The following FBF1 variants were observed in gnomAD, a reference collection of about 807,000 sequenced individuals.
FBF1 encodes the protein fas-binding factor 1.
In FBF1, 119 loss-of-function variants were observed where a neutral mutation model predicts 147.2. The observed-to-expected ratio is 0.81, with a 90% CI of 0.70 to 0.94. The LOEUF (loss-of-function observed/expected upper bound fraction) is 0.94. Among genes scored for constraint, FBF1 ranks in the 40% least tolerant of loss-of-function variants. The probability of loss-of-function intolerance (pLI) is 0.00; values close to 1 mark genes in which losing one functional copy is unlikely to be tolerated. For missense variants in FBF1, 1,449 were observed against 1,500.8 expected, an observed-to-expected ratio of 0.97 and a Z score of 0.57; for synonymous variants, 601 against 609.0, an observed-to-expected ratio of 0.99 and a Z score of 0.19.
At position 75,919,712 on chromosome 17, in the gene FBF1, C is replaced by A; in HGVS notation, c.2094G>T (p.Ala698=). Residue 698 remains alanine, a synonymous_variant, in exon 20 of 30, where the codon GCG becomes GCT. Transcript: ENST00000636174. This position sits in a 1 kb window ranked among gnomAD's most constrained non-coding sequence, Gnocchi z 5.0. ...AQHQRRLAAI[A]QEKDQEMERL... is the part of the protein sequence containing the mutation. The stretch of plus-strand genomic sequence containing the variant: ...GCTCCATTTCCTGGTCCTTCTCCTG[C>A]GCTATGGCCGCCAAGCGCCGCTGGT... 6.2e-7 allele frequency: 1 copy of A among 1,612,444 alleles called. No homozygotes were observed. The highest frequency in any genetic ancestry group is 8.5e-7 in the Non-Finnish European group (1 of 1,179,654).
chr17:75,923,159 A>G lies in FBF1; in HGVS notation c.1424+27T>C, dbSNP rs928784079. On this transcript the variant is annotated intron_variant, in intron 14 of 29. Coordinates refer to ENST00000636174, the MANE Select transcript of FBF1 (RefSeq NM_001319193.2). The surrounding 1 kb of genome is among the most constrained non-coding windows in gnomAD (Gnocchi z 4.1). The stretch of plus-strand genomic sequence containing the variant: ...CAAGTCCCCAGCCAGTCCTCCCCCT[A>G]CTAGCCACAGCAGCCTAAGTCAGTA... 2.0e-6 allele frequency: 3 copies of G among 1,531,268 alleles called. No individual in the cohort carries two copies. 94.9% of individuals were successfully genotyped at this position (1,531,268 alleles called of 1,614,324 possible).
Position 75,925,093 on chromosome 17 carries a change from G to T in FBF1, c.968+254C>A, listed in dbSNP as rs2065551586. Among the ~76,000 whole-genome samples the T allele has an allele frequency of 2.0e-5, 3 of 152,210 alleles. No individual in the cohort carries two copies. Among genetic ancestry groups the T allele is most frequent in the African/African-American group, 4.8e-5 (2 of 41,452 alleles). On this transcript the variant is annotated intron_variant, in intron 13 of 29. Transcript: ENST00000636174. This position sits in a 1 kb window ranked among gnomAD's most constrained non-coding sequence, Gnocchi z 5.0. Reference sequence around the variant, plus strand: ...GGCCCACCTGCCCCTTTCCTTCTGAGGCTGGGTGGGGCACTGGCGAACCTG... The same window carrying T: ...GGCCCACCTGCCCCTTTCCTTCTGATGCTGGGTGGGGCACTGGCGAACCTG...
intron 16 of FBF1, 70 bp from the exon 17 acceptor site, chr17:75,921,372 C>T: frequency 6.4e-7 from 1 of 1,550,826 alleles, no homozygotes; most frequent in Non-Finnish European, 8.8e-7. Context: ...CCAGGAGGGG[C>T]TGGTGTAACT....
chr17:75,929,945 A>ACACCC, intron 7 of FBF1, 52 bp downstream of exon 7: 11 of 650,902 alleles, frequency 1.7e-5, no homozygotes, highest in South Asian at 6.5e-5. Flanking sequence ...AAATATCATG[A>ACACCC]CCCCACCCCA....
At chr17:75,933,134 C>A (rs2065604535) in intron 4 of FBF1, 46 bp from the exon 5 acceptor site, 1 of 1,465,972 alleles carries the variant, frequency 6.8e-7, no homozygotes, top group South Asian at 1.2e-5. Context: ...CTAAAGGTAC[C>A]TGGAGTCAAG....
At chr17:75,912,403 G>A (rs768154085) in intron 28 of FBF1, 96 bp from the exon 29 acceptor site, 1 of 880,798 alleles carries the variant, frequency 1.1e-6, no homozygotes, top group Non-Finnish European at 1.7e-6. Flanking sequence ...CCCGCCAGTG[G>A]GTGGACCCTG....
intron 23 of FBF1, among the ~76,000 whole-genome samples, chr17:75,916,931 G>A (rs1243553808): frequency 6.6e-6 from 1 of 152,214 alleles, no homozygotes; most frequent in Non-Finnish European, 1.5e-5. Context: ...ACTCACTGCA[G>A]CCTCTGTGTC....
At chr17:75,938,039 G>C in intron 2 of FBF1, 108 bp downstream of exon 2, 1 of 1,521,958 alleles carries the variant, frequency 6.6e-7, no homozygotes, top group Non-Finnish European at 9.0e-7. Flanking sequence ...TCTCCATCCT[G>C]GTCCTTGCCG....
At position 75,910,579 on chromosome 17, in the gene FBF1, C is replaced by T. The variant is rs752375906; in HGVS notation, c.*144G>A. On this transcript the variant is annotated 3_prime_UTR_variant, in exon 30 of 30. Transcript: ENST00000636174. The surrounding 1 kb of genome is among the most constrained non-coding windows in gnomAD (Gnocchi z 4.1). ...GGCTGGCACATTTGGAAAGGATGCACTTGCACCCTGTCCACGGAAGAGCTG... is the reference window on the plus strand; with the variant it reads ...GGCTGGCACATTTGGAAAGGATGCATTTGCACCCTGTCCACGGAAGAGCTG... 9 of 711,164 alleles carry T rather than the reference C, an allele frequency of 1.3e-5. No individual in the cohort carries two copies. The highest frequency in any genetic ancestry group is 2.1e-5 in the Non-Finnish European group (9 of 425,282). The allele number at this position is 711,164 out of a possible 1,614,324, so 44.1% of individuals were successfully genotyped here. A position where few individuals can be genotyped will look rare whatever the true frequency, so the allele number is the denominator to read the frequency against.
In FBF1 at chr17:75,938,289, A is replaced by G. The variant is rs150803355; in HGVS notation, c.-83-57T>C. On this transcript the variant is annotated intron_variant, in intron 1 of 29. Transcript: ENST00000636174. Reference sequence around the variant, plus strand: ...AATGATGTAGCTTTGGCTGGGCGCCATGGCTCACGCCTGTTAATCCCAGCA... The same window carrying G: ...AATGATGTAGCTTTGGCTGGGCGCCGTGGCTCACGCCTGTTAATCCCAGCA... The G allele has an allele frequency of 1.3e-3, 1,679 of 1,297,508 alleles. 16 individuals carry two copies. In the African/African-American group the frequency reaches 0.02, roughly 16 times the overall value. 80.4% of individuals were successfully genotyped at this position (1,297,508 alleles called of 1,614,324 possible).
At chr17:75,929,399 G>A (rs946376057) in intron 7 of FBF1, among the ~76,000 whole-genome samples, 1 of 152,022 alleles carries the variant, frequency 6.6e-6, no homozygotes, top group Non-Finnish European at 1.5e-5. Flanking sequence ...AACCAAAAAC[G>A]CGGCTTTGTC....
rs545946938 is a variant in FBF1, at chr17:75,911,419, C to T, written c.3364-613G>A. ...AAGCTGAAGTGCAGTGGTGTGAACA[C>T]ACCTGTAGCCTCGACCAGCTGGGCT... On this transcript the variant is annotated intron_variant, in intron 29 of 29. Coordinates refer to ENST00000636174, the MANE Select transcript of FBF1 (RefSeq NM_001319193.2). 2.0e-3 allele frequency among the ~76,000 whole-genome samples: 303 copies of T among 152,230 alleles called. 2 individuals carry two copies. The highest frequency in any genetic ancestry group is 2.4e-3 in the Non-Finnish European group (160 of 68,046).
rs2144153208 is a variant in FBF1, at chr17:75,914,606, G to T, written c.2814+141C>A. On this transcript the variant is annotated intron_variant, in intron 25 of 29. Transcript: ENST00000636174. ...AATACGAGGAAGATGTTAGCATGATGATGCGATTACTGTTTTAATCCCTAT... is the reference window on the plus strand; with the variant it reads ...AATACGAGGAAGATGTTAGCATGATTATGCGATTACTGTTTTAATCCCTAT... The T allele has an allele frequency of 1.3e-5, 12 of 892,588 alleles. No homozygotes were observed. The South Asian group carries it at 1.8e-4, about 13-fold the overall frequency. The allele number at this position is 892,588 out of a possible 1,614,324, so 55.3% of individuals were successfully genotyped here.
rs763545513 is a variant in FBF1, at chr17:75,926,078, C to A, written c.820G>T (p.Gly274Trp). Residue 274 changes from glycine (G) to tryptophan (W), a missense_variant, in exon 12 of 30, where the codon GGG (glycine) becomes TGG (tryptophan). Gly to Trp is a radical substitution (Grantham distance 184). Coordinates refer to ENST00000636174, the MANE Select transcript of FBF1 (RefSeq NM_001319193.2). ...TCTAGCTTGAACTCCCTGTGCTCCC[C>A]GGTGCCCGGGCGGGCCAGGAGTTTG... Reference protein sequence around the residue: ...ATKLLARPGTGEHREFKLDKK... With the variant: ...ATKLLARPGTWEHREFKLDKK... 3 of 1,612,442 alleles carry A rather than the reference C, an allele frequency of 1.9e-6. No individual in the cohort carries two copies. The highest frequency in any genetic ancestry group is 2.2e-5 in the East Asian group (1 of 44,872).
chr17:75,913,883 C>T (rs754372856), intron 27 of FBF1, 30 bp downstream of exon 27: 7 of 1,551,462 alleles, frequency 4.5e-6, no homozygotes, highest in Non-Finnish European at 5.2e-6. Context: ...GTGCCGGGGG[C>T]AGGGGCGCCA....
chr17:75,927,749 G>C (rs1214194288), intron 8 of FBF1, among the ~76,000 whole-genome samples: 1 of 152,140 alleles, frequency 6.6e-6, no homozygotes, highest in Non-Finnish European at 1.5e-5. Context: ...CTCATCATGA[G>C]TCACTCCAGA....
chr17:75,929,349 A>C (rs956517126), intron 7 of FBF1, among the ~76,000 whole-genome samples: 1 of 152,082 alleles, frequency 6.6e-6, no homozygotes, highest in Non-Finnish European at 1.5e-5. Flanking sequence ...AACCCAAAAA[A>C]CAAAAATACA....
Position 75,915,115 on chromosome 17 carries a change from G to A in FBF1, c.2530C>T (p.Gln844Ter). 1 of 1,609,864 alleles carries A rather than the reference G, an allele frequency of 6.2e-7. No homozygotes were observed. Residue 844 changes from glutamine (Q) to a stop codon, truncating the protein, a stop_gained, in exon 24 of 30, where the codon CAG becomes TAG. Transcript: ENST00000636174. LOFTEE classifies it high-confidence loss of function. Reference protein sequence around the residue: ...EQERWRVTAEQSKAESMQRAL... With the variant: ...EQERWRVTAE ...CGCTGCATGGACTCCGCCTTGGACT[G>A]CTCGGCAGTCACCCGCCAGCGTTCC...
At chr17:75,921,354 G>GC (rs1242187901) in intron 16 of FBF1, 52 bp from the exon 17 acceptor site, 1 of 1,551,838 alleles carries the variant, frequency 6.4e-7, no homozygotes, top group East Asian at 2.4e-5. Context: ...CACTGGGCCT[G>GC]CGAGTGTCCA....
Sources: gnomAD v4.1 joint callset for allele counts (sites outside exome capture counted in the v4.1 genomes callset) on GRCh38, gnomAD v4.1.1 for gene constraint, Gnocchi (gnomAD v3.1) non-coding constraint, MANE v1.5 for transcripts, NCBI Gene and HGNC (gene_info 2026-07-23, HGNC 2026-07-21) for gene names.